Variants in SHC2 observed in about 807,000 individuals in gnomAD.
The protein encoded by SHC2 is SHC adaptor protein 2.
In SHC2, 62 loss-of-function variants were observed where a neutral mutation model predicts 60.6. The observed-to-expected ratio is 1.02, with a 90% CI of 0.83 to 1.26. SHC2 has a LOEUF of 1.26. Ranked by LOEUF, SHC2 falls within the 50% of genes most tolerant of loss-of-function variation. The probability of loss-of-function intolerance (pLI) is 0.00; values close to 1 mark genes in which losing one functional copy is unlikely to be tolerated. For synonymous variants in SHC2, 375 were observed against 372.4 expected, an observed-to-expected ratio of 1.01 and a Z score of -0.08; for missense variants, 873 against 822.2, an observed-to-expected ratio of 1.06 and a Z score of -0.76.
In SHC2 at chr19:436,155, C is replaced by T. The variant is rs1974711093; in HGVS notation, c.953+10G>A. 1.2e-6 allele frequency: 2 copies of T among 1,610,748 alleles called. No homozygotes were observed. Among genetic ancestry groups the T allele is most frequent in the Non-Finnish European group, 1.7e-6 (2 of 1,179,144 alleles). ...TGTCCCCAGGGCACGGGGGAGGCAG[C>T]TCTGGTTACCTTTCTGGGGGCAGCG... On this transcript the variant is annotated intron_variant, in intron 7 of 12. Coordinates refer to ENST00000264554, the MANE Select transcript of SHC2 (RefSeq NM_012435.3).
At position 430,830 on chromosome 19, in the gene SHC2, C is replaced by G. The variant is rs537782599; in HGVS notation, c.1111-83G>C. On this transcript the variant is annotated intron_variant, in intron 8 of 12. Coordinates refer to ENST00000264554, the MANE Select transcript of SHC2 (RefSeq NM_012435.3). ...GGACCCCCAGTCTCCCCGCCCGGCC[C>G]TCTTAGATGGCTGGAGACTTAGGGG... The G allele has an allele frequency of 4.1e-5, 54 of 1,304,846 alleles. 1 individual carries two copies. The South Asian group carries it at 4.2e-4, about 10-fold the overall frequency. 80.8% of individuals were successfully genotyped at this position (1,304,846 alleles called of 1,614,324 possible).
chr19:430,766 G>A lies in SHC2; in HGVS notation c.1111-19C>T. On this transcript the variant is annotated intron_variant, in intron 8 of 12. Coordinates refer to ENST00000264554, the MANE Select transcript of SHC2 (RefSeq NM_012435.3). The stretch of plus-strand genomic sequence containing the variant: ...ATGGGCCCTGGAAACAGAGCAGTGA[G>A]AGGTTCCCCGGTGTGTGCAAGCCCC... 1 of 1,611,832 alleles carries A rather than the reference G, an allele frequency of 6.2e-7. No individual in the cohort carries two copies. The highest frequency in any genetic ancestry group is 8.5e-7 in the Non-Finnish European group (1 of 1,179,156).
rs1568296912 is a variant in SHC2 at position 451,016 on chromosome 19, CGTGTGG to C, written c.468+9507_468+9512del. 9.6e-3 allele frequency among the ~76,000 whole-genome samples: 1,389 copies of C among 144,770 alleles called. 3 individuals are homozygous for C. The highest frequency in any genetic ancestry group is 0.033 in the African/African-American group (1,286 of 38,700). The allele number at this position is 144,770 out of a possible 152,430, so 95.0% of individuals were successfully genotyped here. ...ACGCCATGGCTGTGCCGTATTTCAGCGTGTGGATGGCCACGCCGTGGCCACATCATA... is the reference window on the plus strand; with the variant it reads ...ACGCCATGGCTGTGCCGTATTTCAGCATGGCCACGCCGTGGCCACATCATA... On this transcript the variant is annotated intron_variant, in intron 1 of 12. Coordinates refer to ENST00000264554, the MANE Select transcript of SHC2 (RefSeq NM_012435.3).
At chr19:431,097 C>T (rs566158949) in intron 8 of SHC2, among the ~76,000 whole-genome samples, 55 of 146,322 alleles carry the variant, frequency 3.8e-4, no homozygotes, top group African/African-American at 1.4e-3. Flanking sequence ...TCAGGGAAGG[C>T]CTCCGGACCG....
chr19:438,141 A>G lies in SHC2; in HGVS notation c.720+577T>C, dbSNP rs893165035. ...TGGGATTACAGGCGCCCACCACCAC[A>G]CCCGGCTAATCTTTGTATTTTTTGT... On this transcript the variant is annotated intron_variant, in intron 4 of 12. Coordinates refer to ENST00000264554, the MANE Select transcript of SHC2 (RefSeq NM_012435.3). The surrounding 1 kb of genome is among the most constrained non-coding windows in gnomAD (Gnocchi z 5.0). Among the ~76,000 whole-genome samples, 1 of 151,442 alleles carries G rather than the reference A, an allele frequency of 6.6e-6. No individual in the cohort carries two copies. Among genetic ancestry groups the G allele is most frequent in the African/African-American group, 2.4e-5 (1 of 41,150 alleles).
chr19:437,546 AC>A (rs1374046932), intron 4 of SHC2, among the ~76,000 whole-genome samples: 1 of 151,722 alleles, frequency 6.6e-6, no homozygotes, highest in African/African-American at 2.4e-5. Flanking sequence ...CCCCTTGCCA[AC>A]CCCGGCCCAG....
rs752785073 is a variant in SHC2 at position 441,265 on chromosome 19, G to A, written c.469-333C>T. 113 of 661,292 alleles carry A rather than the reference G, an allele frequency of 1.7e-4. 1 individual carries two copies. The highest frequency in any genetic ancestry group is 1.9e-4 in the Non-Finnish European group (102 of 537,414). The allele number at this position is 661,292 out of a possible 1,614,324, so 41.0% of individuals were successfully genotyped here. Reference sequence around the variant, plus strand: ...TCCACCAGCACCGAAGCCGAGGAGCGTGGGGATGGTGCGATCCTGAGCACT... The same window carrying A: ...TCCACCAGCACCGAAGCCGAGGAGCATGGGGATGGTGCGATCCTGAGCACT... On this transcript the variant is annotated intron_variant, in intron 1 of 12. Coordinates refer to ENST00000264554, the MANE Select transcript of SHC2 (RefSeq NM_012435.3). This position sits in a 1 kb window ranked among gnomAD's most constrained non-coding sequence, Gnocchi z 4.9.
Position 436,442 on chromosome 19 carries a change from G to A in SHC2, c.775-11C>T. On this transcript the variant is annotated splice_polypyrimidine_tract_variant and intron_variant, in intron 5 of 12. Coordinates refer to ENST00000264554, the MANE Select transcript of SHC2 (RefSeq NM_012435.3). The stretch of plus-strand genomic sequence containing the variant: ...GTAATCCGTCATGTCCTGGGGGCGG[G>A]GAGGGGCCAGCTGGACCTGCCTGGG... 1 of 1,601,960 alleles carries A rather than the reference G, an allele frequency of 6.2e-7. No homozygotes were observed. Among genetic ancestry groups the A allele is most frequent in the South Asian group, 1.1e-5 (1 of 90,650 alleles).
intron 8 of SHC2, 150 bp from the exon 9 acceptor site, chr19:430,897 G>A: frequency 1.4e-6 from 1 of 705,024 alleles, no homozygotes; most frequent in Non-Finnish European, 2.4e-6. Flanking sequence ...CTCTCACTCT[G>A]TAACTAGGCC....
At chr19:437,647 C>G (rs1159326425) in intron 4 of SHC2, among the ~76,000 whole-genome samples, 2 of 152,076 alleles carry the variant, frequency 1.3e-5, no homozygotes, top group South Asian at 2.1e-4. Context: ...ATGGAAATTG[C>G]GTGGAAATGG....
At chr19:458,752 G>A (rs1387681762) in intron 1 of SHC2, among the ~76,000 whole-genome samples, 11 of 146,972 alleles carry the variant, frequency 7.5e-5, no homozygotes, top group African/African-American at 2.6e-4. Flanking sequence ...GGCGGAAGCG[G>A]GTCCCGGGGA....
chr19:444,458 T>C (rs1479849139), intron 1 of SHC2, among the ~76,000 whole-genome samples: 1 of 152,112 alleles, frequency 6.6e-6, no homozygotes, highest in Non-Finnish European at 1.5e-5. Context: ...CCACTCCGGT[T>C]GTGCGGCTGA....
chr19:460,343 G>A (rs184121535), intron 1 of SHC2, among the ~76,000 whole-genome samples, 186 bp downstream of exon 1: 5,737 of 151,826 alleles, frequency 0.038, 259 homozygotes, highest in East Asian at 0.17. Flanking sequence ...TGGGAACCCG[G>A]ACCCCAGCGC....
At chr19:460,396 G>A (rs1285879550) in intron 1 of SHC2, 133 bp downstream of exon 1, 90 of 356,398 alleles carry the variant, frequency 2.5e-4, no homozygotes, top group Non-Finnish European at 9.5e-6. Context: ...GGGGATGGGG[G>A]TCCGGGGTGG....
intron 2 of SHC2, chr19:439,602 C>T (rs1458529240): frequency 5.8e-5 from 9 of 154,024 alleles, no homozygotes; most frequent in Admixed American, 5.7e-4. Context: ...AAACCAGATC[C>T]CCCACCCAGG....
At chr19:417,846 A>G (rs2145683264) in intron 12 of SHC2, among the ~76,000 whole-genome samples, 1 of 152,130 alleles carries the variant, frequency 6.6e-6, no homozygotes, top group South Asian at 2.1e-4. Flanking sequence ...CCGCGGCCGC[A>G]TAGGGGAGGG....
rs1378225828 is a variant in SHC2, at chr19:424,452, G to GA, written c.1309+644dup. Among the ~76,000 whole-genome samples, 3 of 152,154 alleles carry GA rather than the reference G, an allele frequency of 2.0e-5. No homozygotes were observed. Among genetic ancestry groups the GA allele is most frequent in the African/African-American group, 7.2e-5 (3 of 41,440 alleles). On this transcript the variant is annotated intron_variant, in intron 10 of 12. Coordinates refer to ENST00000264554, the MANE Select transcript of SHC2 (RefSeq NM_012435.3). This position sits in a 1 kb window ranked among gnomAD's most constrained non-coding sequence, Gnocchi z 4.5. Reference sequence around the variant, plus strand: ...AAGAGAAAACTCATCAGACTAGGGAGACCCAGAGTCAGCGTGCAAGACCAG... The same window carrying GA: ...AAGAGAAAACTCATCAGACTAGGGAGAACCCAGAGTCAGCGTGCAAGACCAG...
At position 444,366 on chromosome 19, in the gene SHC2, T is replaced by C. The variant is rs1975000197; in HGVS notation, c.469-3434A>G. Among the ~76,000 whole-genome samples the C allele has an allele frequency of 2.0e-5, 3 of 152,104 alleles. No homozygotes were observed. In the South Asian group the frequency reaches 6.2e-4, roughly 31 times the overall value. On this transcript the variant is annotated intron_variant, in intron 1 of 12. Coordinates refer to ENST00000264554, the MANE Select transcript of SHC2 (RefSeq NM_012435.3). Reference sequence around the variant, plus strand: ...GGCAGAGCATGTGCCTCTGGGATGATGTCTGTGCCAGTGTCTGGCGCTACA... The same window carrying C: ...GGCAGAGCATGTGCCTCTGGGATGACGTCTGTGCCAGTGTCTGGCGCTACA...
Position 422,490 on chromosome 19 carries a change from G to T in SHC2, c.1310-34C>A. ...CAGGGACAGGAGTGCTGGGCAGGCA[G>T]GGGGCAAGCAGCTACTCCTGCCGGG... On this transcript the variant is annotated intron_variant, in intron 10 of 12. Coordinates refer to ENST00000264554, the MANE Select transcript of SHC2 (RefSeq NM_012435.3). The surrounding 1 kb of genome is among the most constrained non-coding windows in gnomAD (Gnocchi z 5.0). 6.8e-7 allele frequency: 1 copy of T among 1,465,206 alleles called. No homozygotes were observed. Among genetic ancestry groups the T allele is most frequent in the Non-Finnish European group, 9.1e-7 (1 of 1,101,376 alleles). 90.8% of individuals were successfully genotyped at this position (1,465,206 alleles called of 1,614,324 possible).
Sources: gnomAD v4.1 joint callset for allele counts (sites outside exome capture counted in the v4.1 genomes callset) on GRCh38, gnomAD v4.1.1 for gene constraint, Gnocchi (gnomAD v3.1) non-coding constraint, MANE v1.5 for transcripts, NCBI Gene and HGNC (gene_info 2026-07-23, HGNC 2026-07-21) for gene names.